The following KIAA1614 variants were observed in gnomAD, a reference collection of about 807,000 sequenced individuals.
KIAA1614 encodes the protein uncharacterized protein KIAA1614.
Under a neutral mutation model 88.7 loss-of-function variants are expected in KIAA1614, and 76 were observed. The observed-to-expected ratio is 0.86, with a 90% CI of 0.71 to 1.04. The LOEUF (loss-of-function observed/expected upper bound fraction) is 1.04. Among genes scored for constraint, KIAA1614 ranks in the 50% least tolerant of loss-of-function variants. KIAA1614 has a pLI of 0.00. For synonymous variants in KIAA1614, 714 were observed against 675.5 expected, an observed-to-expected ratio of 1.06 and a Z score of -0.88; for missense variants, 1,553 against 1,582.5, an observed-to-expected ratio of 0.98 and a Z score of 0.32.
intron 3 of KIAA1614, among the ~76,000 whole-genome samples, chr1:180,925,498 A>G (rs922307071): frequency 8.5e-5 from 13 of 152,368 alleles, no homozygotes; most frequent in African/African-American, 2.6e-4. Context: ...TGAAAGGGTT[A>G]AACACAGACT....
Position 180,918,402 on chromosome 1 carries a change from G to A in KIAA1614, c.1061+488G>A, listed in dbSNP as rs191998632. Among the ~76,000 whole-genome samples the A allele has an allele frequency of 1.1e-4, 17 of 152,296 alleles. No individual in the cohort carries two copies. In the East Asian group the frequency reaches 3.1e-3, roughly 28 times the overall value. On this transcript the variant is annotated intron_variant, in intron 3 of 8. Coordinates refer to ENST00000367588, the MANE Select transcript of KIAA1614 (RefSeq NM_020950.2). The stretch of plus-strand genomic sequence containing the variant: ...CTCCAACCTTACCATGCTATCCCAC[G>A]GCCTTCGCTCCAGCCCCTCCACCAA...
chr1:180,913,576 A>C lies in KIAA1614; in HGVS notation c.50+283A>C, dbSNP rs550466351. 1.6e-4 allele frequency among the ~76,000 whole-genome samples: 24 copies of C among 152,264 alleles called. No individual in the cohort carries two copies. The South Asian group carries it at 5.0e-3, about 32-fold the overall frequency. ...CAGGGGACTCCAGTGGGAGGGTCTC[A>C]TTCTTTAAGGTCTCTGGCGTGCTGT... On this transcript the variant is annotated intron_variant, in intron 1 of 8. Transcript: ENST00000367588.
At position 180,928,301 on chromosome 1, in the gene KIAA1614, A is replaced by G. The variant is rs1654113619; in HGVS notation, c.1062-129A>G. On this transcript the variant is annotated intron_variant, in intron 3 of 8. Coordinates refer to ENST00000367588, the MANE Select transcript of KIAA1614 (RefSeq NM_020950.2). ...TGGGTTCCCTGTGCGTGGGTGCTAGAGGAGGAAGGCTGCACATGCAGGGCT... is the reference window on the plus strand; with the variant it reads ...TGGGTTCCCTGTGCGTGGGTGCTAGGGGAGGAAGGCTGCACATGCAGGGCT... 3 of 1,142,984 alleles carry G rather than the reference A, an allele frequency of 2.6e-6. No homozygotes were observed. The South Asian group carries it at 5.9e-5, about 23-fold the overall frequency. The allele number at this position is 1,142,984 out of a possible 1,614,324, so 70.8% of individuals were successfully genotyped here.
intron 4 of KIAA1614, among the ~76,000 whole-genome samples, chr1:180,930,134 G>A (rs778109017): frequency 2.0e-5 from 3 of 152,194 alleles, no homozygotes; most frequent in Non-Finnish European, 4.4e-5. Context: ...GAATGGGCAT[G>A]GTGGGCTGGG....
Position 180,928,664 on chromosome 1 carries a change from GCT to G in KIAA1614, c.1205+92_1205+93del, listed in dbSNP as rs1235741092. On this transcript the variant is annotated intron_variant, in intron 4 of 8. Transcript: ENST00000367588. ...AAGTGGGATCTAGCCAAATGCTGCT[GCT>G]GCTCGCTCCATGTGTGTGTGTGTCT... 592 of 1,369,726 alleles carry G rather than the reference GCT, an allele frequency of 4.3e-4. No homozygotes were observed. The African/African-American group carries it at 7.1e-3, about 16-fold the overall frequency. The allele number at this position is 1,369,726 out of a possible 1,614,324, so 84.8% of individuals were successfully genotyped here.
At chr1:180,928,056 G>C in intron 3 of KIAA1614, 1 of 173,030 alleles carries the variant, frequency 5.8e-6, no homozygotes, top group Non-Finnish European at 1.2e-5. Flanking sequence ...CAACAACCCC[G>C]GGCCCTTTCT....
Position 180,947,726 on chromosome 1 carries a change from G to A in KIAA1614, c.*2138G>A, listed in dbSNP as rs1456055115. 2 of 152,208 alleles carry A rather than the reference G, an allele frequency of 1.3e-5. No individual in the cohort carries two copies. The highest frequency in any genetic ancestry group is 3.9e-4 in the East Asian group (2 of 5,192). The allele number at this position is 152,208 out of a possible 1,614,324, so 9.4% of individuals were successfully genotyped here. ...TCTGCTGGCTATGTGATCTAGAGCA[G>A]GCGACATCCCCACTGAGCCTCACTC... On this transcript the variant is annotated 3_prime_UTR_variant, in exon 9 of 9. Coordinates refer to ENST00000367588, the MANE Select transcript of KIAA1614 (RefSeq NM_020950.2).
intron 4 of KIAA1614, among the ~76,000 whole-genome samples, chr1:180,929,924 G>C (rs1654155810): frequency 6.6e-6 from 1 of 152,232 alleles, no homozygotes; most frequent in South Asian, 2.1e-4. Context: ...CTCTTTGATG[G>C]AGGGTGCCGA....
At chr1:180,925,712 G>A (rs1654052334) in intron 3 of KIAA1614, among the ~76,000 whole-genome samples, 1 of 152,216 alleles carries the variant, frequency 6.6e-6, no homozygotes, top group Non-Finnish European at 1.5e-5. Context: ...ACCACACGCT[G>A]CCCTTTGTCC....
chr1:180,940,773 C>T (rs1019281715), intron 6 of KIAA1614, among the ~76,000 whole-genome samples: 10 of 151,112 alleles, frequency 6.6e-5, no homozygotes, highest in Non-Finnish European at 1.2e-4. Flanking sequence ...AGTGCAGTGG[C>T]GTGATCACAG....
intron 2 of KIAA1614, 152 bp downstream of exon 2, chr1:180,917,252 C>G: frequency 1.5e-6 from 1 of 657,998 alleles, no homozygotes; most frequent in East Asian, 2.7e-5. Context: ...AGGATGGCCT[C>G]TTGTCCTTGG....
At position 180,916,295 on chromosome 1, in the gene KIAA1614, G is replaced by T. The variant is rs200026948; in HGVS notation, c.192G>T (p.Leu64=). 4.6e-5 allele frequency: 74 copies of T among 1,613,762 alleles called. No individual in the cohort carries two copies. The highest frequency in any genetic ancestry group is 1.0e-5 in the Non-Finnish European group (12 of 1,179,950). Residue 64 remains leucine (L), a synonymous_variant, in exon 2 of 9, where the codon CTG becomes CTT. Transcript: ENST00000367588. ...PCPQENRTSS[L]MAPQPPRVWG... ...CTCAGGAAAACAGAACATCCAGCCT[G>T]ATGGCCCCCCAGCCTCCCAGGGTAT...
chr1:180,923,107 A>AC (rs1653990379), intron 3 of KIAA1614, among the ~76,000 whole-genome samples: 1 of 151,944 alleles, frequency 6.6e-6, no homozygotes, highest in Admixed American at 6.6e-5. Context: ...ATGGGGCACC[A>AC]CCCCCCAGAA....
chr1:180,936,813 C>A, intron 5 of KIAA1614, 143 bp downstream of exon 5: 1 of 594,364 alleles, frequency 1.7e-6, no homozygotes, highest in Non-Finnish European at 2.8e-6. Context: ...CATACCACCT[C>A]GGCAGCTCCT....
chr1:180,945,789 T>C lies in KIAA1614; in HGVS notation c.*201T>C, dbSNP rs960053004. On this transcript the variant is annotated 3_prime_UTR_variant, in exon 9 of 9. Coordinates refer to ENST00000367588, the MANE Select transcript of KIAA1614 (RefSeq NM_020950.2). ...GGCAGGTTTGACTCCACTGTCCCCC[T>C]GCTGTCTGATGACATCTTGAAATTA... The C allele has an allele frequency of 7.4e-7, 1 of 1,349,422 alleles. No homozygotes were observed. The highest frequency in any genetic ancestry group is 3.9e-5 in the Admixed American group (1 of 25,386). The allele number at this position is 1,349,422 out of a possible 1,614,324, so 83.6% of individuals were successfully genotyped here.
intron 3 of KIAA1614, among the ~76,000 whole-genome samples, chr1:180,919,893 T>G (rs1309495774): frequency 6.6e-6 from 1 of 152,156 alleles, no homozygotes; most frequent in East Asian, 1.9e-4. Flanking sequence ...TGTGCGTACC[T>G]GTGTACTGTA....
Position 180,945,304 on chromosome 1 carries a change from C to A in KIAA1614, c.3289C>A (p.Pro1097Thr). Residue 1097 changes from proline to threonine, a missense_variant and splice_region_variant, in exon 9 of 9, where the codon CCG (proline) becomes ACG (threonine). By Grantham distance (38) the Pro-to-Thr change is conservative (BLOSUM62 -1). Coordinates refer to ENST00000367588, the MANE Select transcript of KIAA1614 (RefSeq NM_020950.2). ...ACTGTGTCTCTGGTTCCCTCGCAGG[C>A]CGGCCAAGACTTCACCACGGCGTGC... ...GPGDHSAAGR[P>T]AKTSPRRALS... The A allele has an allele frequency of 1.9e-6, 3 of 1,579,850 alleles. No individual in the cohort carries two copies. Among genetic ancestry groups the A allele is most frequent in the Non-Finnish European group, 2.6e-6 (3 of 1,170,770 alleles).
Position 180,944,401 on chromosome 1 carries a change from C to T in KIAA1614, c.3172C>T (p.His1058Tyr), listed in dbSNP as rs1302092188. Reference sequence around the variant, plus strand: ...CCTTTCTCATCAGGTGTCACCCTCTCACCAGCGTCGGAAAGCTGCCTCTTT... The same window carrying T: ...CCTTTCTCATCAGGTGTCACCCTCTTACCAGCGTCGGAAAGCTGCCTCTTT... ...LQSLHPVSPS[H>Y]QRRKAASFQN... The change falls in exon 8 of 9, where the codon CAC becomes TAC. Residue 1058 changes from histidine (H) to tyrosine (Y), a missense_variant. Coordinates refer to ENST00000367588, the MANE Select transcript of KIAA1614 (RefSeq NM_020950.2). The T allele has an allele frequency of 6.2e-7, 1 of 1,613,576 alleles. No individual in the cohort carries two copies. The highest frequency in any genetic ancestry group is 8.5e-7 in the Non-Finnish European group (1 of 1,179,730).
In KIAA1614 at chr1:180,950,979, G is replaced by A. The variant is rs943349402; in HGVS notation, c.*5391G>A. ...CTTGACCCTTCCCTATTTCAGCCAC[G>A]TTCCTCCCTACTCCATTCACTGCCC... On this transcript the variant is annotated 3_prime_UTR_variant, in exon 9 of 9. Transcript: ENST00000367588. 6.6e-6 allele frequency: 1 copy of A among 152,280 alleles called. No homozygotes were observed. The highest frequency in any genetic ancestry group is 6.5e-5 in the Admixed American group (1 of 15,274). 9.4% of individuals were successfully genotyped at this position (152,280 alleles called of 1,614,324 possible).
Sources: allele counts gnomAD v4.1 joint callset (sites outside exome capture counted in the v4.1 genomes callset), GRCh38; gene constraint gnomAD v4.1.1; transcripts MANE v1.5; gene names NCBI Gene and HGNC (gene_info 2026-07-23, HGNC 2026-07-21).